The following MED23 variants were observed in gnomAD, a reference collection of about 807,000 sequenced individuals.
MED23 encodes mediator complex subunit 23.
A neutral mutation model predicts 163.9 loss-of-function variants in MED23; 105 were observed. The observed-to-expected ratio is 0.64, with a 90% CI of 0.55 to 0.75. The LOEUF (loss-of-function observed/expected upper bound fraction) is 0.75, where lower values mean the gene tolerates loss of function less well. MED23 is among the 30% of genes least tolerant of loss of function. MED23 has a pLI of 0.00. For synonymous variants in MED23, 561 were observed against 565.6 expected (o/e 0.99, Z 0.12); for missense variants, 1,054 against 1,649.0 (o/e 0.64, Z 6.25).
intron 8 of MED23, among the ~76,000 whole-genome samples, chr6:131,619,312 A>G (rs1268184743): frequency 6.6e-6 from 1 of 152,204 alleles, no homozygotes; most frequent in Non-Finnish European, 1.5e-5. Context: ...AGTTGAGGTC[A>G]CCATGATTTC....
chr6:131,577,653 T>C (rs985286325), intron 30 of MED23, among the ~76,000 whole-genome samples: 1 of 151,460 alleles, frequency 6.6e-6, no homozygotes, highest in South Asian at 2.1e-4. Context: ...TGTAATCCTA[T>C]CACTTTGGGA....
chr6:131,579,308 A>G (rs1773794170), intron 30 of MED23: 3 of 1,612,986 alleles, frequency 1.9e-6, no homozygotes, highest in South Asian at 1.1e-5. Flanking sequence ...AACTGTGTCT[A>G]TGGGAATCTG....
intron 6 of MED23, 41 bp downstream of exon 6, chr6:131,621,840 T>C: frequency 1.4e-6 from 2 of 1,396,034 alleles, no homozygotes; most frequent in Non-Finnish European, 2.0e-6. Context: ...GCTAGACTTT[T>C]TTGAGGTTAT....
Position 131,593,544 on chromosome 6 carries a change from C to T in MED23, c.3233-373G>A, listed in dbSNP as rs559645587. Among the ~76,000 whole-genome samples, 4 of 152,180 alleles carry T rather than the reference C, an allele frequency of 2.6e-5. No homozygotes were observed. In the East Asian group the frequency reaches 7.7e-4, roughly 29 times the overall value. ...AATTCCTTTGTGTAGGAAAATAAGT[C>T]ATGCTCATTTATGTAGAATTTCTTA... On this transcript the variant is annotated intron_variant, in intron 23 of 28. Coordinates refer to ENST00000368068, the MANE Select transcript of MED23 (RefSeq NM_004830.4).
chr6:131,624,993 G>C lies in MED23; in HGVS notation c.160-4C>G, dbSNP rs1447212788. 1.2e-6 allele frequency: 2 copies of C among 1,613,278 alleles called. No individual in the cohort carries two copies. Among genetic ancestry groups the C allele is most frequent in the East Asian group, 4.5e-5 (2 of 44,824 alleles). ...GGATACACTGTTCATGAGACTCCTG[G>C]AAAATGAGAGAATGATTTTACTTGG... On this transcript the variant is annotated splice_polypyrimidine_tract_variant and splice_region_variant and intron_variant, in intron 3 of 28. Coordinates refer to ENST00000368068, the MANE Select transcript of MED23 (RefSeq NM_004830.4).
chr6:131,575,084 G>A (rs1373582215), intron 30 of MED23, among the ~76,000 whole-genome samples: 3 of 152,082 alleles, frequency 2.0e-5, no homozygotes, highest in African/African-American at 7.2e-5. Context: ...GCAAGCAAGA[G>A]GAAAGCCCAA....
chr6:131,596,685 T>A lies in MED23; in HGVS notation c.2611A>T (p.Met871Leu), dbSNP rs142460188. ...TLDRLILCLA[M>L]RSHEGNEAQV... is the part of the protein sequence containing the mutation. ...GCTTCATTTCCTTCGTGACTACGCA[T>A]GGCCTTTGAAAAACAACAGAAAAAT... is the stretch of plus-strand genomic sequence containing the variant. Residue 871 changes from methionine (M) to leucine (L), a missense_variant, in exon 21 of 29, where the codon ATG (methionine) becomes TTG (leucine). Met to Leu is a conservative substitution (Grantham distance 15). Transcript: ENST00000368068. 1 of 1,613,952 alleles carries A rather than the reference T, an allele frequency of 6.2e-7. No individual in the cohort carries two copies. Among genetic ancestry groups the A allele is most frequent in the Admixed American group, 1.7e-5 (1 of 60,028 alleles).
chr6:131,620,802 T>C lies in MED23; in HGVS notation c.496-73A>G, dbSNP rs564302589. 1.5e-5 allele frequency: 13 copies of C among 885,984 alleles called. No homozygotes were observed. The East Asian group carries it at 3.1e-4, about 21-fold the overall frequency. The allele number at this position is 885,984 out of a possible 1,614,324, so 54.9% of individuals were successfully genotyped here. On this transcript the variant is annotated intron_variant, in intron 6 of 28. Transcript: ENST00000368068. ...AAGCCCTTTATTTTATTTATTATCATTATTTTTTTTTTTTTTTGAGACAGG... is the reference window on the plus strand; with the variant it reads ...AAGCCCTTTATTTTATTTATTATCACTATTTTTTTTTTTTTTTGAGACAGG...
chr6:131,603,137 A>G lies in MED23; in HGVS notation c.1824T>C (p.Phe608=). ...WGILHTLLEM[F]SYRMHHIQPH... Reference sequence around the variant, plus strand: ...GCTGAATATGATGCATCCGGTAGCTAAACATCTCAAGGAGTGTGTGTAAGA... The same window carrying G: ...GCTGAATATGATGCATCCGGTAGCTGAACATCTCAAGGAGTGTGTGTAAGA... Residue 608 remains phenylalanine, a synonymous_variant, in exon 16 of 29, where the codon TTT becomes TTC. Coordinates refer to ENST00000368068, the MANE Select transcript of MED23 (RefSeq NM_004830.4). The G allele has an allele frequency of 1.2e-6, 2 of 1,613,980 alleles. No homozygotes were observed. The highest frequency in any genetic ancestry group is 1.7e-6 in the Non-Finnish European group (2 of 1,179,880).
chr6:131,585,593 A>G (rs187348127), downstream of MED23, among the ~76,000 whole-genome samples: 80 of 152,340 alleles, frequency 5.3e-4, no homozygotes, highest in African/African-American at 1.8e-3. Context: ...CACATTTCAA[A>G]TGCTTCCTAG....
intron 7 of MED23, 75 bp from the exon 8 acceptor site, chr6:131,619,971 G>T (rs1776972711): frequency 2.3e-6 from 2 of 881,638 alleles, no homozygotes; most frequent in South Asian, 1.3e-5. Context: ...TGAAATATAT[G>T]AACATTTATA....
rs757960488 is a variant in MED23, at chr6:131,628,061, C to A, written c.-12G>T. On this transcript the variant is annotated 5_prime_UTR_variant, in exon 1 of 29. Transcript: ENST00000368068. ...AGTTGCGTCTCCATCTGTACTATCA[C>A]CCCCGCCTTTCCAGGGTGCCCGGCA... 1.9e-6 allele frequency: 3 copies of A among 1,613,912 alleles called. No homozygotes were observed. The highest frequency in any genetic ancestry group is 2.5e-6 in the Non-Finnish European group (3 of 1,180,028).
intron 7 of MED23, 121 bp from the exon 8 acceptor site, chr6:131,620,017 T>A: frequency 2.8e-6 from 2 of 715,488 alleles, no homozygotes; most frequent in South Asian, 1.5e-5. Context: ...TTGCACATGA[T>A]AACTGTTTAA....
chr6:131,589,344 T>A, intron 28 of MED23, 121 bp downstream of exon 28: 1 of 970,546 alleles, frequency 1.0e-6, no homozygotes, highest in South Asian at 1.6e-5. Flanking sequence ...CCACCCTTTT[T>A]CCTTAAAAGA....
At chr6:131,616,621 C>T (rs1776708443) in intron 9 of MED23, among the ~76,000 whole-genome samples, 1 of 152,054 alleles carries the variant, frequency 6.6e-6, no homozygotes, top group African/African-American at 2.4e-5. Context: ...GAGTTTGAGG[C>T]CAGCCTGGGC....
At chr6:131,616,723 G>C (rs1776717139) in intron 9 of MED23, among the ~76,000 whole-genome samples, 1 of 152,294 alleles carries the variant, frequency 6.6e-6, no homozygotes, top group Admixed American at 6.5e-5. Flanking sequence ...AGGAGGCTGA[G>C]GTGGGGAGGG....
rs1278403778 is a variant in MED23 at position 131,623,471 on chromosome 6, A to G, written c.285-9T>C. The G allele has an allele frequency of 1.2e-6, 2 of 1,608,468 alleles. No homozygotes were observed. The highest frequency in any genetic ancestry group is 2.2e-5 in the East Asian group (1 of 44,844). On this transcript the variant is annotated splice_polypyrimidine_tract_variant and intron_variant, in intron 4 of 28. Coordinates refer to ENST00000368068, the MANE Select transcript of MED23 (RefSeq NM_004830.4). Reference sequence around the variant, plus strand: ...GGGATTCACAAACCAGCCTATAAAAAAAGAAATAGCCATTCCAGTTACAAG... The same window carrying G: ...GGGATTCACAAACCAGCCTATAAAAGAAGAAATAGCCATTCCAGTTACAAG...
rs973411928 is a variant in MED23, at chr6:131,609,642, A to G, written c.1077+404T>C. Among the ~76,000 whole-genome samples the G allele has an allele frequency of 6.9e-5, 10 of 145,638 alleles. No individual in the cohort carries two copies. The Admixed American group carries it at 7.1e-4, about 10-fold the overall frequency. On this transcript the variant is annotated intron_variant, in intron 11 of 28. Coordinates refer to ENST00000368068, the MANE Select transcript of MED23 (RefSeq NM_004830.4). ...TTGTATTGCAGGGAAATGTGCTTTC[A>G]TTATAACAACTATTAAGATATAATC...
intron 17 of MED23, among the ~76,000 whole-genome samples, chr6:131,600,807 G>A (rs541042034): frequency 2.0e-5 from 3 of 152,126 alleles, no homozygotes; most frequent in Non-Finnish European, 4.4e-5. Flanking sequence ...TAAAACTGCT[G>A]GTCCTAAGCA....
Sources: gnomAD v4.1 joint callset for allele counts (sites outside exome capture counted in the v4.1 genomes callset) on GRCh38, gnomAD v4.1.1 for gene constraint, MANE v1.5 for transcripts, NCBI Gene and HGNC (gene_info 2026-07-23, HGNC 2026-07-21) for gene names.